PIPOX: variants seen among roughly 807,000 people sequenced by gnomAD.
The protein encoded by PIPOX is pipecolic acid and sarcosine oxidase.
A neutral mutation model predicts 47.9 loss-of-function variants in PIPOX; 45 were observed. The observed-to-expected ratio is 0.94, with a 90% CI of 0.74 to 1.20. The LOEUF (loss-of-function observed/expected upper bound fraction) is 1.20. PIPOX is among the 50% of genes most tolerant of loss of function. PIPOX has a pLI of 0.00. For synonymous variants in PIPOX, 165 were observed against 191.3 expected (o/e 0.86, Z 1.13); for missense variants, 458 against 498.4 (o/e 0.92, Z 0.77).
At chr17:29,044,779 A>G in intron 1 of PIPOX, 80 bp from the exon 2 acceptor site, 1 of 1,404,762 alleles carries the variant, frequency 7.1e-7, no homozygotes, top group Non-Finnish European at 9.7e-7. Flanking sequence ...GGTTGACAGC[A>G]CATGCTGATA....
chr17:29,052,066 CCAG>C (rs2065808542), intron 2 of PIPOX: 6 of 470,448 alleles, frequency 1.3e-5, no homozygotes, highest in Non-Finnish European at 2.6e-5. Flanking sequence ...AGAGACAGAG[CCAG>C]ATCTCTCAGT....
intron 1 of PIPOX, among the ~76,000 whole-genome samples, chr17:29,043,807 G>GTT (rs775727050): frequency 6.8e-6 from 1 of 147,710 alleles, no homozygotes; most frequent in Non-Finnish European, 1.5e-5. Context: ...AGAAGCTTCT[G>GTT]TTTTTTTTTT....
chr17:29,055,528 A>G (rs1310003712), intron 6 of PIPOX, among the ~76,000 whole-genome samples: 1 of 152,254 alleles, frequency 6.6e-6, no homozygotes, highest in African/African-American at 2.4e-5. Flanking sequence ...AGGGACAAAG[A>G]GAAGAGACAG....
chr17:29,055,729 G>A (rs184121392), intron 6 of PIPOX, 84 bp from the exon 7 acceptor site: 71 of 1,150,602 alleles, frequency 6.2e-5, no homozygotes, highest in Admixed American at 4.7e-4. Flanking sequence ...AAGAAATCCA[G>A]CCCATCCCCT....
intron 6 of PIPOX, among the ~76,000 whole-genome samples, chr17:29,055,571 GT>G (rs1286747445): frequency 6.6e-6 from 1 of 152,240 alleles, no homozygotes; most frequent in Non-Finnish European, 1.5e-5. Context: ...CTTGGCTAAA[GT>G]TAGTTTACAA....
intron 4 of PIPOX, among the ~76,000 whole-genome samples, 162 bp from the exon 5 acceptor site, chr17:29,054,383 T>G (rs1251876484): frequency 6.6e-6 from 1 of 152,132 alleles, no homozygotes; most frequent in Non-Finnish European, 1.5e-5. Flanking sequence ...ATAACACATG[T>G]AACAGGTAAA....
intron 2 of PIPOX, among the ~76,000 whole-genome samples, chr17:29,050,681 C>CA (rs1347373146): frequency 6.6e-6 from 1 of 151,968 alleles, no homozygotes; most frequent in East Asian, 1.9e-4. Flanking sequence ...TCTATACACA[C>CA]AAAAAATTAG....
chr17:29,044,852 C>T lies in PIPOX; in HGVS notation c.115-7C>T. The T allele has an allele frequency of 6.2e-7, 1 of 1,607,666 alleles. No homozygotes were observed. The highest frequency in any genetic ancestry group is 8.5e-7 in the Non-Finnish European group (1 of 1,176,562). ...CTTCCATCATCTCTCTTGTTTTCCACTTCCAGTTCTTTCTACCACACTCCC... is the reference window on the plus strand; with the variant it reads ...CTTCCATCATCTCTCTTGTTTTCCATTTCCAGTTCTTTCTACCACACTCCC... On this transcript the variant is annotated splice_region_variant and splice_polypyrimidine_tract_variant and intron_variant, in intron 1 of 7. Coordinates refer to ENST00000323372, the MANE Select transcript of PIPOX (RefSeq NM_016518.3).
intron 1 of PIPOX, among the ~76,000 whole-genome samples, chr17:29,043,870 CATG>C (rs2065775623): frequency 6.6e-6 from 1 of 152,062 alleles, no homozygotes; most frequent in Non-Finnish European, 1.5e-5. Flanking sequence ...TTGTTTGACA[CATG>C]ATAAGTGAGA....
At chr17:29,045,061 T>A (rs112680353) in intron 2 of PIPOX, 54 bp downstream of exon 2, 2 of 1,523,474 alleles carry the variant, frequency 1.3e-6, no homozygotes, top group Non-Finnish European at 1.8e-6. Flanking sequence ...TGCAGGTACT[T>A]TTAGTGTGTG....
Position 29,056,527 on chromosome 17 carries a change from C to T in PIPOX, c.*222C>T. On this transcript the variant is annotated 3_prime_UTR_variant, in exon 8 of 8. Transcript: ENST00000323372. ...GTAAACACCAGACGATTGAGTCTAC[C>T]TTCTTTTCTTGGCCACCTCCCCATT... 1 of 583,678 alleles carries T rather than the reference C, an allele frequency of 1.7e-6. No individual in the cohort carries two copies. The allele number at this position is 583,678 out of a possible 1,614,324, so 36.2% of individuals were successfully genotyped here.
chr17:29,046,710 G>A (rs1047829667), intron 2 of PIPOX: 1 of 985,372 alleles, frequency 1.0e-6, no homozygotes, highest in Non-Finnish European at 1.2e-6. Flanking sequence ...TCCTTGGGTA[G>A]GAGACTCTCA....
chr17:29,053,226 G>A lies in PIPOX; in HGVS notation c.477+93G>A, dbSNP rs961860315. On this transcript the variant is annotated intron_variant, in intron 3 of 7. Transcript: ENST00000323372. ...CAGCCCAAGACCCCCCTCTGGATGA[G>A]GCCTTTGCCCTGCAGGCTTTAGTCT... 4.5e-6 allele frequency: 6 copies of A among 1,336,672 alleles called. No individual in the cohort carries two copies. In the African/African-American group the frequency reaches 8.7e-5, roughly 19 times the overall value. The allele number at this position is 1,336,672 out of a possible 1,614,324, so 82.8% of individuals were successfully genotyped here.
intron 5 of PIPOX, 102 bp from the exon 6 acceptor site, chr17:29,054,961 G>C (rs980523789): frequency 2.0e-6 from 3 of 1,479,814 alleles, no homozygotes; most frequent in Non-Finnish European, 2.8e-6. Flanking sequence ...GGGAAGGCTG[G>C]AATGATGGAT....
chr17:29,052,531 C>A (rs2065810350), intron 2 of PIPOX, among the ~76,000 whole-genome samples: 1 of 152,262 alleles, frequency 6.6e-6, no homozygotes, highest in Non-Finnish European at 1.5e-5. Context: ...CCCGAGATCC[C>A]TCCTGAAGGA....
At chr17:29,052,523 C>T (rs1025600350) in intron 2 of PIPOX, among the ~76,000 whole-genome samples, 1 of 152,218 alleles carries the variant, frequency 6.6e-6, no homozygotes, top group Non-Finnish European at 1.5e-5. Context: ...CACCTGGACC[C>T]GAGATCCCTC....
chr17:29,056,192 G>T lies in PIPOX; in HGVS notation c.1060G>T (p.Ala354Ser). The T allele has an allele frequency of 6.2e-7, 1 of 1,614,134 alleles. No individual in the cohort carries two copies. The highest frequency in any genetic ancestry group is 8.5e-7 in the Non-Finnish European group (1 of 1,179,982). Reference sequence around the variant, plus strand: ...CTTCCTAGGGCACGGGTTCAAGCTGGCCCCTGTGGTGGGGAAGATCCTGTA... The same window carrying T: ...CTTCCTAGGGCACGGGTTCAAGCTGTCCCCTGTGGTGGGGAAGATCCTGTA... ...AGFSGHGFKLAPVVGKILYEL... is the reference protein window; with the variant it reads ...AGFSGHGFKLSPVVGKILYEL... Residue 354 changes from alanine (A) to serine (S), a missense_variant, in exon 8 of 8, where the codon GCC (alanine) becomes TCC (serine). By Grantham distance (99) the Ala-to-Ser change is moderately conservative. Coordinates refer to ENST00000323372, the MANE Select transcript of PIPOX (RefSeq NM_016518.3).
intron 2 of PIPOX, among the ~76,000 whole-genome samples, chr17:29,050,701 G>A (rs2065802581): frequency 6.6e-6 from 1 of 152,162 alleles, no homozygotes; most frequent in Non-Finnish European, 1.5e-5. Context: ...GCCAAGTGTG[G>A]TGGCATGTGC....
chr17:29,049,189 T>A (rs1281738661), intron 2 of PIPOX, among the ~76,000 whole-genome samples: 1 of 152,214 alleles, frequency 6.6e-6, no homozygotes, highest in Non-Finnish European at 1.5e-5. Flanking sequence ...TAGTTCATAC[T>A]AAATGCTCTT....
Sources: gnomAD v4.1 joint callset for allele counts (sites outside exome capture counted in the v4.1 genomes callset) on GRCh38, gnomAD v4.1.1 for gene constraint, MANE v1.5 for transcripts, NCBI Gene and HGNC (gene_info 2026-07-23, HGNC 2026-07-21) for gene names.